RPS3: variants seen among roughly 807,000 people sequenced by gnomAD.
RPS3 encodes ribosomal protein S3.
RPS3 carries 2 observed loss-of-function variants against 25.8 expected under a neutral mutation model. That is an observed-to-expected ratio of 0.08 (90% CI 0.03 to 0.24). RPS3 has a LOEUF of 0.24. RPS3 is among the 10% of genes least tolerant of loss of function. The probability of loss-of-function intolerance (pLI) is 1.00; values close to 1 mark genes in which losing one functional copy is unlikely to be tolerated. For synonymous variants in RPS3, 114 were observed against 114.2 expected (o/e 1.00, Z 0.01); for missense variants, 107 against 307.1 (o/e 0.35, Z 4.87).
At chr11:75,402,021 CCTG>C in intron 3 of RPS3, 2 of 546,270 alleles carry the variant, frequency 3.7e-6, no homozygotes, top group South Asian at 4.6e-5. Context: ...GGGCAAGGAA[CCTG>C]CATTGTGTGT....
intron 1 of RPS3, among the ~76,000 whole-genome samples, chr11:75,400,188 G>T (rs1004976102): frequency 1.3e-5 from 2 of 152,238 alleles, no homozygotes; most frequent in Non-Finnish European, 2.9e-5. Context: ...GGATTTGCCA[G>T]CTCTGTTGGT....
At chr11:75,406,957 G>A (rs543051472), downstream of RPS3, 4 of 152,146 alleles carry the variant, frequency 2.6e-5, no homozygotes, top group Non-Finnish European at 5.9e-5. Flanking sequence ...CTACCATTTT[G>A]TATAAGGAGT....
At chr11:75,400,458 G>T in intron 1 of RPS3, 1 of 608,076 alleles carries the variant, frequency 1.6e-6, no homozygotes, top group Non-Finnish European at 3.1e-6. Flanking sequence ...CCTACTCTGT[G>T]CTGCGTTCTG....
At chr11:75,402,650 AG>A in intron 4 of RPS3, 1 of 459,128 alleles carries the variant, frequency 2.2e-6, no homozygotes, top group Non-Finnish European at 3.9e-6. Context: ...AAGGGTGGTC[AG>A]TCCTGTAATG....
downstream of RPS3, among the ~76,000 whole-genome samples, chr11:75,410,139 G>A (rs1380053248): frequency 5.4e-5 from 8 of 147,314 alleles, no homozygotes; most frequent in African/African-American, 1.8e-4. Flanking sequence ...CCTCCCTCCC[G>A]GACGGGGCGG....
chr11:75,403,677 G>C (rs940356373), intron 4 of RPS3: 2 of 179,574 alleles, frequency 1.1e-5, no homozygotes, highest in African/African-American at 4.7e-5. Flanking sequence ...GAATCACCCA[G>C]GGAGCATTTT....
intron 6 of RPS3, among the ~76,000 whole-genome samples, chr11:75,421,291 T>C (rs1948442798): frequency 6.6e-6 from 1 of 151,034 alleles, no homozygotes. Context: ...GAAGATGGGG[T>C]GGGATGTGGG....
rs766895283 is a variant in RPS3 at position 75,400,794 on chromosome 11, C to A, written c.131C>A (p.Thr44Asn). The change falls in exon 2 of 7, where the codon ACC becomes AAC. Residue 44 changes from threonine to asparagine, a missense_variant. Coordinates refer to ENST00000531188, the MANE Select transcript of RPS3 (RefSeq NM_001005.5). Reference protein sequence around the residue: ...YSGVEVRVTPTRTEIIILATR... With the variant: ...YSGVEVRVTPNRTEIIILATR... ...GGAGTTGAGGTGCGAGTTACACCAA[C>A]CAGGACAGAAATCATTATCTTAGCC... 5 of 1,612,604 alleles carry A rather than the reference C, an allele frequency of 3.1e-6. No homozygotes were observed. The South Asian group carries it at 5.5e-5, about 18-fold the overall frequency.
chr11:75,410,169 A>ACC (rs554488702), downstream of RPS3, among the ~76,000 whole-genome samples: 25 of 134,312 alleles, frequency 1.9e-4, no homozygotes, highest in South Asian at 6.1e-3. Context: ...CGGGGGGCTG[A>ACC]CCCCCCCACC....
chr11:75,400,681 T>G lies in RPS3; in HGVS notation c.31-13T>G, dbSNP rs755820749. 1 of 1,609,842 alleles carries G rather than the reference T, an allele frequency of 6.2e-7. No homozygotes were observed. The highest frequency in any genetic ancestry group is 1.3e-5 in the African/African-American group (1 of 74,880). ...CGATCTCCTAATTTTGAACTTTGCT[T>G]TGTTTGGATTAGTTTGTCGCTGATG... is the stretch of plus-strand genomic sequence containing the variant. On this transcript the variant is annotated splice_polypyrimidine_tract_variant and intron_variant, in intron 1 of 6. Transcript: ENST00000531188.
At chr11:75,410,987 C>G (rs1328039973), downstream of RPS3, among the ~76,000 whole-genome samples, 2 of 152,174 alleles carry the variant, frequency 1.3e-5, no homozygotes, top group African/African-American at 4.8e-5. Context: ...CGCCATTATC[C>G]TGCCTCAGCC....
chr11:75,420,734 G>A (rs1948435849), intron 6 of RPS3, among the ~76,000 whole-genome samples: 1 of 152,066 alleles, frequency 6.6e-6, no homozygotes, highest in Admixed American at 6.6e-5. Flanking sequence ...GGAATCCTAT[G>A]GGTGTGTCAG....
Position 75,400,770 on chromosome 11 carries a change from G to C in RPS3, c.107G>C (p.Gly36Ala). The change falls in exon 2 of 7, where the codon GGA (glycine) becomes GCA (alanine). Residue 36 changes from glycine (G) to alanine (A), a missense_variant. Coordinates refer to ENST00000531188, the MANE Select transcript of RPS3 (RefSeq NM_001005.5). The part of the protein sequence containing the change: ...TRELAEDGYS[G>A]VEVRVTPTRT... Reference sequence around the variant, plus strand: ...GAGCTGGCTGAAGATGGCTACTCTGGAGTTGAGGTGCGAGTTACACCAACC... The same window carrying C: ...GAGCTGGCTGAAGATGGCTACTCTGCAGTTGAGGTGCGAGTTACACCAACC... The C allele has an allele frequency of 6.2e-7, 1 of 1,612,960 alleles. No individual in the cohort carries two copies. Among genetic ancestry groups the C allele is most frequent in the Non-Finnish European group, 8.5e-7 (1 of 1,179,860 alleles).
At chr11:75,401,328 A>G (rs1039503815) in intron 2 of RPS3, among the ~76,000 whole-genome samples, 1 of 152,110 alleles carries the variant, frequency 6.6e-6, no homozygotes, top group African/African-American at 2.4e-5. Flanking sequence ...CAACATGGGG[A>G]AACCCCCGCT....
At chr11:75,402,593 C>T (rs918963717) in intron 4 of RPS3, 147 bp downstream of exon 4, 6 of 779,252 alleles carry the variant, frequency 7.7e-6, no homozygotes, top group African/African-American at 7.0e-5. Context: ...GTCATGCCCT[C>T]ACTGAACTGG....
Position 75,399,573 on chromosome 11 carries a change from G to A in RPS3, c.26G>A (p.Arg9Lys), listed in dbSNP as rs1565162329. 2 of 1,613,872 alleles carry A rather than the reference G, an allele frequency of 1.2e-6. No individual in the cohort carries two copies. Among genetic ancestry groups the A allele is most frequent in the Non-Finnish European group, 1.7e-6 (2 of 1,179,846 alleles). MAVQISKK[R>K]KFVADGIFKA... ...ATGGCAGTGCAAATATCCAAGAAGA[G>A]GAAGGTGAGCCTCTGGGGACTGGGT... Residue 9 changes from arginine (R) to lysine (K), a missense_variant, in exon 1 of 7, where the codon AGG becomes AAG. By Grantham distance (26) the Arg-to-Lys change is conservative. Transcript: ENST00000531188.
At chr11:75,422,139 G>A (rs1408445883) in exon 7 of RPS3, 1 of 160,362 alleles carries the variant, frequency 6.2e-6, no homozygotes. Context: ...TTATAGGAGA[G>A]GTTGGAGGGA....
At chr11:75,421,263 C>T (rs1271335121) in intron 6 of RPS3, among the ~76,000 whole-genome samples, 5 of 152,168 alleles carry the variant, frequency 3.3e-5, no homozygotes, top group Non-Finnish European at 7.4e-5. Context: ...ACCCTGTAGA[C>T]AGGGCCCTGG....
intron 6 of RPS3, among the ~76,000 whole-genome samples, chr11:75,417,875 G>T (rs964512417): frequency 3.7e-4 from 56 of 152,262 alleles, no homozygotes; most frequent in African/African-American, 1.3e-3. Context: ...GGATGCTGGG[G>T]TCTTGGGAAG....
Sources: gnomAD v4.1 joint callset for allele counts (sites outside exome capture counted in the v4.1 genomes callset) on GRCh38, gnomAD v4.1.1 for gene constraint, MANE v1.5 for transcripts, NCBI Gene and HGNC (gene_info 2026-07-23, HGNC 2026-07-21) for gene names.